The following PLD5 variants were observed in gnomAD, a reference collection of about 807,000 sequenced individuals.
The protein encoded by PLD5 is inactive phospholipase D5.
Under a neutral mutation model 61.1 loss-of-function variants are expected in PLD5, and 36 were observed. The observed-to-expected ratio is 0.59, with a 90% CI of 0.45 to 0.78. PLD5 has a LOEUF of 0.78. PLD5 is among the 30% of genes least tolerant of loss of function. The pLI, the probability that PLD5 is intolerant of heterozygous loss-of-function variation, is 0.00. For missense variants in PLD5, 515 were observed against 644.4 expected (o/e 0.80, Z 2.17); for synonymous variants, 243 against 242.8 (o/e 1.00, Z -0.01).
chr1:242,403,583 G>A (rs1467214657), intron 1 of PLD5, among the ~76,000 whole-genome samples: 3 of 151,674 alleles, frequency 2.0e-5, no homozygotes, highest in Non-Finnish European at 2.9e-5. Context: ...TCCTGCCTCA[G>A]CCTCCCCAGT....
chr1:242,083,568 C>G lies in PLD5; in HGVS notation c.*6286G>C, dbSNP rs562362696. 1 of 152,128 alleles carries G rather than the reference C, an allele frequency of 6.6e-6. No individual in the cohort carries two copies. Among genetic ancestry groups the G allele is most frequent in the Non-Finnish European group, 1.5e-5 (1 of 68,024 alleles). The allele number at this position is 152,128 out of a possible 1,614,324, so 9.4% of individuals were successfully genotyped here. ...GCCTTTGTTTCTCAATGACATTTTC[C>G]TACAGAGGATTTTCAAAGTGCTTTA... On this transcript the variant is annotated 3_prime_UTR_variant, in exon 10 of 10. Transcript: ENST00000536534.
chr1:242,190,596 T>C (rs1249536449), intron 5 of PLD5, among the ~76,000 whole-genome samples: 1 of 151,812 alleles, frequency 6.6e-6, no homozygotes, highest in Non-Finnish European at 1.5e-5. Context: ...ATTTAAAAAA[T>C]TAAGGCCAGG....
chr1:242,444,468 A>G (rs529359505), intron 1 of PLD5, among the ~76,000 whole-genome samples: 1 of 151,776 alleles, frequency 6.6e-6, no homozygotes, highest in South Asian at 2.1e-4. Context: ...TGTAGCCATT[A>G]GTAATTTCTA....
At chr1:242,389,864 C>G (rs910774268) in intron 1 of PLD5, among the ~76,000 whole-genome samples, 6 of 151,996 alleles carry the variant, frequency 3.9e-5, no homozygotes, top group African/African-American at 1.5e-4. Context: ...TATAGGCTAC[C>G]ATTCTTTTTT....
At chr1:242,319,041 G>A (rs1242405280) in intron 2 of PLD5, among the ~76,000 whole-genome samples, 6 of 152,210 alleles carry the variant, frequency 3.9e-5, no homozygotes, top group Admixed American at 1.3e-4. Context: ...ATTGGGGCAG[G>A]AGGGGCTCCA....
At chr1:242,466,605 G>C (rs7542270) in intron 1 of PLD5, among the ~76,000 whole-genome samples, 97,078 of 152,012 alleles carry the variant, frequency 0.64, 31,860 homozygotes, top group African/African-American at 0.78. Context: ...ATAAAAAGTG[G>C]AGCTCGGCTG....
At chr1:242,356,614 T>TC (rs1240138963) in intron 1 of PLD5, among the ~76,000 whole-genome samples, 1 of 151,954 alleles carries the variant, frequency 6.6e-6, no homozygotes, top group Non-Finnish European at 1.5e-5. Flanking sequence ...TCTGGTTGTT[T>TC]TGTAGTTACT....
Position 242,425,335 on chromosome 1 carries a change from TACCGTAGGGAATTATAAC to T in PLD5, c.190-77111_190-77094del, listed in dbSNP as rs1449656050. Among the ~76,000 whole-genome samples, 13 of 152,300 alleles carry T rather than the reference TACCGTAGGGAATTATAAC, an allele frequency of 8.5e-5. No individual in the cohort carries two copies. The East Asian group carries it at 2.5e-3, about 29-fold the overall frequency. On this transcript the variant is annotated intron_variant, in intron 1 of 9. Coordinates refer to ENST00000536534, the MANE Select transcript of PLD5 (RefSeq NM_001372062.1). ...CTGTGTAGCATGTAACTGTCCTGAA[TACCGTAGGGAATTATAAC>T]ACAATGGTAAGGATTTGTGTATCTA... is the stretch of plus-strand genomic sequence containing the variant.
At chr1:242,509,443 C>T (rs1250638308) in intron 1 of PLD5, among the ~76,000 whole-genome samples, 1 of 152,174 alleles carries the variant, frequency 6.6e-6, no homozygotes, top group Non-Finnish European at 1.5e-5. Context: ...TTGTACACTG[C>T]TCATTATTGA....
intron 5 of PLD5, among the ~76,000 whole-genome samples, chr1:242,158,339 C>T (rs529361006): frequency 6.6e-4 from 101 of 152,246 alleles, no homozygotes; most frequent in Middle Eastern, 3.4e-3. Flanking sequence ...CGCTGGCCTC[C>T]CAGGCACCAC....
intron 1 of PLD5, among the ~76,000 whole-genome samples, chr1:242,473,618 A>G (rs1667505228): frequency 6.6e-6 from 1 of 152,184 alleles, no homozygotes; most frequent in African/African-American, 2.4e-5. Flanking sequence ...TTTTCTCTCC[A>G]AAGGCAAAAT....
Position 242,400,119 on chromosome 1 carries a change from G to A in PLD5, c.190-51877C>T, listed in dbSNP as rs371474170. On this transcript the variant is annotated intron_variant, in intron 1 of 9. Coordinates refer to ENST00000536534, the MANE Select transcript of PLD5 (RefSeq NM_001372062.1). ...GGAGGCAGAGGTTGCAGTGAGCTGA[G>A]ATGGTGCCATTGCACTCCAGCCTGA... Among the ~76,000 whole-genome samples, 4 of 152,116 alleles carry A rather than the reference G, an allele frequency of 2.6e-5. No homozygotes were observed. The East Asian group carries it at 7.7e-4, about 29-fold the overall frequency.
At chr1:242,521,939 G>T (rs185481137) in intron 1 of PLD5, among the ~76,000 whole-genome samples, 2 of 151,422 alleles carry the variant, frequency 1.3e-5, no homozygotes, top group South Asian at 2.1e-4. Flanking sequence ...TCAACATGAC[G>T]TATATTATAA....
intron 1 of PLD5, among the ~76,000 whole-genome samples, chr1:242,511,705 C>G (rs543783525): frequency 3.7e-4 from 57 of 152,068 alleles, no homozygotes; most frequent in African/African-American, 1.4e-3. Context: ...CTGTCATGGA[C>G]AAGAGGTGAC....
At chr1:242,510,205 T>C (rs1475048910) in intron 1 of PLD5, among the ~76,000 whole-genome samples, 1 of 152,014 alleles carries the variant, frequency 6.6e-6, no homozygotes, top group Non-Finnish European at 1.5e-5. Context: ...AGGCCAAATA[T>C]TCTAAGCACA....
At chr1:242,093,346 G>A (rs1457878293) in intron 9 of PLD5, among the ~76,000 whole-genome samples, 3 of 152,098 alleles carry the variant, frequency 2.0e-5, no homozygotes, top group Non-Finnish European at 2.9e-5. Context: ...TAAGCAAAAG[G>A]CTCCTGTGGT....
At chr1:242,197,316 G>C (rs532489087) in intron 5 of PLD5, among the ~76,000 whole-genome samples, 3 of 152,262 alleles carry the variant, frequency 2.0e-5, no homozygotes, top group African/African-American at 7.2e-5. Context: ...CCTGACAGCT[G>C]TCTCCTTTCT....
In PLD5 at chr1:242,163,201, T is replaced by G. The variant is rs11804269; in HGVS notation, c.736-38536A>C. Among the ~76,000 whole-genome samples, 353 of 150,386 alleles carry G rather than the reference T, an allele frequency of 2.3e-3. 4 individuals carry two copies. Among genetic ancestry groups the G allele is most frequent in the African/African-American group, 8.2e-3 (332 of 40,726 alleles). ...CTCTGTCACCCAGGCTGGAGTGCAGTGGCGCGATCTCGGCTCACTGCAAGC... is the reference window on the plus strand; with the variant it reads ...CTCTGTCACCCAGGCTGGAGTGCAGGGGCGCGATCTCGGCTCACTGCAAGC... On this transcript the variant is annotated intron_variant, in intron 5 of 9. Transcript: ENST00000536534.
At chr1:242,112,319 G>GTGTGTGTGTA (rs750346681) in intron 7 of PLD5, among the ~76,000 whole-genome samples, 16 of 94,588 alleles carry the variant, frequency 1.7e-4, no homozygotes, top group Admixed American at 4.6e-4. Context: ...GTGTGTGTGT[G>GTGTGTGTGTA]TGTGTATGTA....
Sources: allele counts gnomAD v4.1 joint callset (sites outside exome capture counted in the v4.1 genomes callset), GRCh38; gene constraint gnomAD v4.1.1; transcripts MANE v1.5; gene names NCBI Gene and HGNC (gene_info 2026-07-23, HGNC 2026-07-21).